NDUFA8: variants seen among roughly 807,000 people sequenced by gnomAD.
The protein encoded by NDUFA8 is NADH dehydrogenase [ubiquinone] 1 alpha subcomplex subunit 8.
NDUFA8 carries 16 observed loss-of-function variants against 20.9 expected under a neutral mutation model. The ratio of observed to expected loss-of-function variants is 0.77; its 90% CI spans 0.52 to 1.16. The LOEUF is 1.16. Ranked by LOEUF, NDUFA8 falls within the 50% of genes most tolerant of loss-of-function variation. The pLI, the probability that NDUFA8 is intolerant of heterozygous loss-of-function variation, is 0.00. For synonymous variants in NDUFA8, 70 were observed against 76.1 expected, an observed-to-expected ratio of 0.92 and a Z score of 0.41; for missense variants, 202 against 216.4, an observed-to-expected ratio of 0.93 and a Z score of 0.42.
chr9:122,148,993 CCTT>C (rs912573616), intron 2 of NDUFA8, among the ~76,000 whole-genome samples: 2 of 152,126 alleles, frequency 1.3e-5, no homozygotes, highest in Non-Finnish European at 2.9e-5. Context: ...GCAAAATCCT[CCTT>C]ATCTTATCAT....
chr9:122,140,391 A>G (rs1010358994), downstream of NDUFA8, among the ~76,000 whole-genome samples: 2 of 152,214 alleles, frequency 1.3e-5, no homozygotes, highest in African/African-American at 4.8e-5. Flanking sequence ...CATAAAAAAA[A>G]TCCTTTATTA....
downstream of NDUFA8, among the ~76,000 whole-genome samples, chr9:122,143,861 C>T (rs367732586): frequency 3.9e-5 from 6 of 152,314 alleles, no homozygotes; most frequent in Admixed American, 1.3e-4. Context: ...CACAGACACA[C>T]CCCAAGGAGC....
Position 122,159,531 on chromosome 9 carries a change from C to T in NDUFA8, c.51+96G>A. 4.0e-6 allele frequency: 6 copies of T among 1,486,140 alleles called. No homozygotes were observed. In the South Asian group the frequency reaches 4.5e-5, roughly 11 times the overall value. The allele number at this position is 1,486,140 out of a possible 1,614,324, so 92.1% of individuals were successfully genotyped here. On this transcript the variant is annotated intron_variant, in intron 1 of 3. Transcript: ENST00000373768. ...CGTTGGAGGACTGGGGAGGGGGGCC[C>T]GGGTCCCAGGATCCGCGGAGCCCAA...
chr9:122,147,753 A>G (rs933720547), intron 3 of NDUFA8, among the ~76,000 whole-genome samples: 1 of 150,474 alleles, frequency 6.6e-6, no homozygotes, highest in African/African-American at 2.5e-5. Flanking sequence ...CAGCCTCCCA[A>G]GTAGCTGGGA....
chr9:122,152,658 C>T (rs1262104560), intron 1 of NDUFA8, among the ~76,000 whole-genome samples: 2 of 151,322 alleles, frequency 1.3e-5, no homozygotes, highest in African/African-American at 4.9e-5. Context: ...GAGGCTCAAG[C>T]GATTCTGCTG....
At chr9:122,152,108 C>T in intron 2 of NDUFA8, 137 bp downstream of exon 2, 1 of 962,408 alleles carries the variant, frequency 1.0e-6, no homozygotes, top group South Asian at 1.5e-5. Flanking sequence ...AATTATCATC[C>T]TTTGAATGTT....
At chr9:122,132,588 G>A in the NDUFA8 span, among the ~76,000 whole-genome samples, 1 of 152,208 alleles carries the variant, frequency 6.6e-6, no homozygotes, top group East Asian at 1.9e-4. Context: ...GGAGGCCTGT[G>A]TTCCAATCCT....
downstream of NDUFA8, among the ~76,000 whole-genome samples, chr9:122,140,156 T>C (rs1317395297): frequency 6.6e-6 from 1 of 152,246 alleles, no homozygotes; most frequent in East Asian, 1.9e-4. Flanking sequence ...CCAGTTTTCA[T>C]ACATGAAGCC....
intron 1 of NDUFA8, among the ~76,000 whole-genome samples, chr9:122,158,813 A>T (rs72767776): frequency 0.065 from 9,828 of 151,100 alleles, 425 homozygotes; most frequent in East Asian, 0.17. Context: ...GTGTGTGTAT[A>T]TATATATATA....
chr9:122,142,973 T>C (rs933212828), downstream of NDUFA8, among the ~76,000 whole-genome samples: 46 of 152,204 alleles, frequency 3.0e-4, no homozygotes, highest in African/African-American at 1.1e-3. Flanking sequence ...CAAAAGTTGG[T>C]TGGCAAGTAA....
intron 1 of NDUFA8, 74 bp downstream of exon 1, chr9:122,159,553 C>G (rs1035053042): frequency 1.3e-6 from 2 of 1,588,936 alleles, no homozygotes; most frequent in African/African-American, 2.7e-5. Context: ...TCCGCGGAGC[C>G]CAAGGGGGGC....
At chr9:122,158,540 T>G (rs1829114425) in intron 1 of NDUFA8, among the ~76,000 whole-genome samples, 1 of 152,102 alleles carries the variant, frequency 6.6e-6, no homozygotes, top group African/African-American at 2.4e-5. Context: ...GCATTGGTTT[T>G]AAAATCAGAC....
At chr9:122,146,778 C>T (rs1163775803) in intron 3 of NDUFA8, among the ~76,000 whole-genome samples, 1 of 152,186 alleles carries the variant, frequency 6.6e-6, no homozygotes, top group Non-Finnish European at 1.5e-5. Flanking sequence ...TGCCTGTAGT[C>T]CCAGCTACTT....
rs577898943 is a variant in NDUFA8, at chr9:122,144,185, C to T, written c.*56G>A. On this transcript the variant is annotated 3_prime_UTR_variant, in exon 4 of 4. Coordinates refer to ENST00000373768, the MANE Select transcript of NDUFA8 (RefSeq NM_014222.3). ...TATCAGTCGATGCAAACCGCATGGG[C>T]GTTTTCATCAGTCGTTGTCTGAGCA... The T allele has an allele frequency of 2.5e-6, 4 of 1,612,146 alleles. No homozygotes were observed. The highest frequency in any genetic ancestry group is 1.3e-5 in the African/African-American group (1 of 74,996).
At chr9:122,140,192 T>G (rs1177226775), downstream of NDUFA8, among the ~76,000 whole-genome samples, 3 of 152,354 alleles carry the variant, frequency 2.0e-5, no homozygotes, top group East Asian at 3.9e-4. Context: ...AGCTACTCCC[T>G]AGTCTCTGGA....
chr9:122,151,468 T>C (rs1335393820), intron 2 of NDUFA8, among the ~76,000 whole-genome samples: 1 of 152,250 alleles, frequency 6.6e-6, no homozygotes, highest in Non-Finnish European at 1.5e-5. Flanking sequence ...ACACTTTGTC[T>C]AGGTTTGCTA....
chr9:122,158,711 T>A (rs1358714665), intron 1 of NDUFA8, among the ~76,000 whole-genome samples: 2 of 149,186 alleles, frequency 1.3e-5, no homozygotes, highest in Non-Finnish European at 3.0e-5. Context: ...ATATATATGG[T>A]ATATACATAT....
intron 3 of NDUFA8, among the ~76,000 whole-genome samples, chr9:122,144,979 A>T (rs1175516492): frequency 6.6e-6 from 1 of 152,210 alleles, no homozygotes; most frequent in East Asian, 1.9e-4. Flanking sequence ...TGCTGAGCAC[A>T]TGATTCCATT....
chr9:122,139,962 G>C (rs1564406205), downstream of NDUFA8, among the ~76,000 whole-genome samples: 1 of 152,202 alleles, frequency 6.6e-6, no homozygotes, highest in Non-Finnish European at 1.5e-5. Context: ...CAAAGTGCTG[G>C]GATTACAGGC....
Sources: allele counts gnomAD v4.1 joint callset (sites outside exome capture counted in the v4.1 genomes callset), GRCh38; gene constraint gnomAD v4.1.1; transcripts MANE v1.5; gene names NCBI Gene and HGNC (gene_info 2026-07-23, HGNC 2026-07-21).